HCRTR2: variants seen among roughly 807,000 people sequenced by gnomAD.
HCRTR2 encodes the protein orexin receptor type 2.
In HCRTR2, 22 loss-of-function variants were observed where a neutral mutation model predicts 49.0. The ratio of observed to expected loss-of-function variants is 0.45; its 90% CI spans 0.32 to 0.64. HCRTR2 has a LOEUF of 0.64. Among genes scored for constraint, HCRTR2 ranks in the 30% least tolerant of loss-of-function variants. The pLI is 0.04. For synonymous variants in HCRTR2, 236 were observed against 205.3 expected (o/e 1.15, Z -1.28); for missense variants, 491 against 559.4 (o/e 0.88, Z 1.23).
At chr6:55,174,964 A>G (rs939125174) in intron 1 of HCRTR2, among the ~76,000 whole-genome samples, 154 bp downstream of exon 1, 2 of 152,126 alleles carry the variant, frequency 1.3e-5, no homozygotes, top group Non-Finnish European at 2.9e-5. Flanking sequence ...TAATAATAAT[A>G]GAAAGTTTTC....
intron 1 of HCRTR2, among the ~76,000 whole-genome samples, chr6:55,130,824 A>T (rs1363958085): frequency 6.6e-6 from 1 of 151,896 alleles, no homozygotes; most frequent in East Asian, 1.9e-4. Context: ...AATGACTTGT[A>T]AACACTACTG....
At chr6:55,256,733 A>T (rs565684109) in intron 3 of HCRTR2, among the ~76,000 whole-genome samples, 83 of 152,088 alleles carry the variant, frequency 5.5e-4, no homozygotes, top group Admixed American at 9.2e-4. Context: ...AAATGGTAGG[A>T]ATATTTATGA....
At position 55,276,673 on chromosome 6, in the gene HCRTR2, G is replaced by T. The variant is rs533648367; in HGVS notation, c.763-707G>T. Among the ~76,000 whole-genome samples the T allele has an allele frequency of 5.9e-5, 9 of 152,274 alleles. No individual in the cohort carries two copies. In the South Asian group the frequency reaches 1.9e-3, roughly 32 times the overall value. On this transcript the variant is annotated intron_variant, in intron 4 of 6. Transcript: ENST00000370862. ...AATAACTTTGAAAAGAAATGGAAAA[G>T]TACAAGTTGTGTAATTACTGTTACA...
At chr6:55,279,103 A>G (rs975068673) in intron 5 of HCRTR2, among the ~76,000 whole-genome samples, 2 of 152,064 alleles carry the variant, frequency 1.3e-5, no homozygotes, top group South Asian at 4.1e-4. Flanking sequence ...AATTTAAGAT[A>G]TTTCAAGTTT....
intron 5 of HCRTR2, among the ~76,000 whole-genome samples, chr6:55,278,045 T>C (rs1439485398): frequency 6.6e-6 from 1 of 152,192 alleles, no homozygotes; most frequent in East Asian, 1.9e-4. Context: ...ATTCTAATTA[T>C]ACTTAAAAGT....
At chr6:55,171,900 T>G (rs1764955546), upstream of HCRTR2, among the ~76,000 whole-genome samples, 1 of 152,174 alleles carries the variant, frequency 6.6e-6, no homozygotes, top group African/African-American at 2.4e-5. Context: ...TATTTATAGA[T>G]TGTCAATGAC....
intron 1 of HCRTR2, among the ~76,000 whole-genome samples, chr6:55,191,042 A>G (rs1290070177): frequency 6.6e-6 from 1 of 152,212 alleles, no homozygotes; most frequent in African/African-American, 2.4e-5. Context: ...CCTCCCTTGA[A>G]ATGGAATTTG....
intron 4 of HCRTR2, among the ~76,000 whole-genome samples, chr6:55,274,878 G>T (rs1272841979): frequency 6.6e-6 from 1 of 151,940 alleles, no homozygotes; most frequent in Non-Finnish European, 1.5e-5. Context: ...TATATTTTCT[G>T]TACATTTCAT....
At chr6:55,228,599 A>G (rs971055502) in intron 1 of HCRTR2, among the ~76,000 whole-genome samples, 2 of 152,162 alleles carry the variant, frequency 1.3e-5, no homozygotes, top group Non-Finnish European at 2.9e-5. Context: ...ATCCAATAAC[A>G]TGCCCCAATG....
chr6:55,229,616 G>C (rs1161122404), intron 1 of HCRTR2, among the ~76,000 whole-genome samples: 1 of 152,090 alleles, frequency 6.6e-6, no homozygotes, highest in Non-Finnish European at 1.5e-5. Context: ...CGTTATGCTA[G>C]GTGGAATAAG....
upstream of HCRTR2, among the ~76,000 whole-genome samples, chr6:55,172,286 C>A (rs371302467): frequency 6.6e-6 from 1 of 152,044 alleles, no homozygotes. Context: ...TCTAATGTGA[C>A]CTTTGGGATT....
chr6:55,150,544 A>C (rs936347920), intron 1 of HCRTR2, among the ~76,000 whole-genome samples: 4 of 151,880 alleles, frequency 2.6e-5, no homozygotes, highest in East Asian at 3.9e-4. Flanking sequence ...CTCTGCTTCT[A>C]TGAGTTTGAC....
upstream of HCRTR2, among the ~76,000 whole-genome samples, chr6:55,173,272 C>T (rs919064806): frequency 6.6e-6 from 1 of 152,100 alleles, no homozygotes; most frequent in African/African-American, 2.4e-5. Context: ...TTTTCTCACC[C>T]TTAGAGCACT....
In HCRTR2 at chr6:55,248,635, T is replaced by A; in HGVS notation, c.224-4T>A. ...GTGCCTATTCCTTTTTCTTTTCAAATTAGTTTGTGTGGCAGTGTGGAAGAA... is the reference window on the plus strand; with the variant it reads ...GTGCCTATTCCTTTTTCTTTTCAAAATAGTTTGTGTGGCAGTGTGGAAGAA... On this transcript the variant is annotated splice_region_variant and splice_polypyrimidine_tract_variant and intron_variant, in intron 1 of 6. Transcript: ENST00000370862. 1.2e-6 allele frequency: 2 copies of A among 1,611,446 alleles called. No individual in the cohort carries two copies. The highest frequency in any genetic ancestry group is 1.7e-6 in the Non-Finnish European group (2 of 1,177,768).
chr6:55,253,818 G>T (rs925567351), intron 2 of HCRTR2, among the ~76,000 whole-genome samples: 2 of 152,058 alleles, frequency 1.3e-5, no homozygotes, highest in African/African-American at 4.8e-5. Flanking sequence ...ATAAATGGGA[G>T]CTAAATGATG....
At chr6:55,233,212 C>T (rs1031697547) in intron 1 of HCRTR2, among the ~76,000 whole-genome samples, 13 of 151,912 alleles carry the variant, frequency 8.6e-5, no homozygotes, top group Non-Finnish European at 7.4e-5. Flanking sequence ...CCTCGGCATC[C>T]CGAGTAGCTG....
At chr6:55,114,656 G>A (rs1243363630) in intron 1 of HCRTR2, among the ~76,000 whole-genome samples, 2 of 151,808 alleles carry the variant, frequency 1.3e-5, no homozygotes, top group Non-Finnish European at 2.9e-5. Context: ...CTATACAATA[G>A]TTGCTTAAAA....
intron 1 of HCRTR2, among the ~76,000 whole-genome samples, chr6:55,204,952 A>AT (rs945750588): frequency 1.3e-4 from 19 of 151,802 alleles, no homozygotes; most frequent in Admixed American, 5.9e-4. Flanking sequence ...TGCCCAGCTG[A>AT]TTTTTTTTAG....
chr6:55,200,885 T>C (rs1468872488), intron 1 of HCRTR2, among the ~76,000 whole-genome samples: 1 of 152,200 alleles, frequency 6.6e-6, no homozygotes, highest in African/African-American at 2.4e-5. Context: ...TATTCAATTA[T>C]AGTTTAATAT....
Sources: allele counts gnomAD v4.1 joint callset (sites outside exome capture counted in the v4.1 genomes callset), GRCh38; gene constraint gnomAD v4.1.1; transcripts MANE v1.5; gene names NCBI Gene and HGNC (gene_info 2026-07-23, HGNC 2026-07-21).